The following TPST1 variants were observed in gnomAD, a reference collection of about 807,000 sequenced individuals.
The protein encoded by TPST1 is tyrosylprotein sulfotransferase 1.
Under a neutral mutation model 34.8 loss-of-function variants are expected in TPST1, and 20 were observed. The observed-to-expected ratio is 0.57, with a 90% CI of 0.40 to 0.84. The LOEUF is 0.84. TPST1 is among the 40% of genes least tolerant of loss of function. The probability of loss-of-function intolerance (pLI) is 0.00; values close to 1 mark genes in which losing one functional copy is unlikely to be tolerated. For missense variants in TPST1, 353 were observed against 455.5 expected (o/e 0.78, Z 2.05); for synonymous variants, 152 against 159.4 (o/e 0.95, Z 0.35).
At chr7:66,337,721 T>C (rs553648579) in intron 3 of TPST1, among the ~76,000 whole-genome samples, 24 of 152,326 alleles carry the variant, frequency 1.6e-4, no homozygotes, top group African/African-American at 5.8e-4. Flanking sequence ...AATGGCGGTG[T>C]TAAAGTATAG....
At chr7:66,203,924 C>T (rs1476353128), upstream of TPST1, among the ~76,000 whole-genome samples, 1 of 152,106 alleles carries the variant, frequency 6.6e-6, no homozygotes, top group Admixed American at 6.5e-5. Flanking sequence ...TGCCTGTAAT[C>T]CCAGCACTTT....
intron 3 of TPST1, among the ~76,000 whole-genome samples, chr7:66,298,780 T>G (rs1791252439): frequency 6.6e-6 from 1 of 152,178 alleles, no homozygotes; most frequent in African/African-American, 2.4e-5. Flanking sequence ...TTGTTTTTGC[T>G]TATAGTGGTT....
intron 1 of TPST1, among the ~76,000 whole-genome samples, chr7:66,219,047 ATTTTTTT>A (rs376698635): frequency 5.5e-5 from 6 of 108,906 alleles, no homozygotes; most frequent in East Asian, 2.7e-4. Context: ...CGCCTGGCTA[ATTTTTTT>A]TTTTTTTTTT....
intron 3 of TPST1, among the ~76,000 whole-genome samples, chr7:66,329,477 C>T (rs933270153): frequency 6.6e-6 from 1 of 152,040 alleles, no homozygotes; most frequent in African/African-American, 2.4e-5. Context: ...TATGCTTCCT[C>T]AGCGCATATC....
At chr7:66,334,647 A>AAAGT (rs949197050) in intron 3 of TPST1, among the ~76,000 whole-genome samples, 1 of 151,682 alleles carries the variant, frequency 6.6e-6, no homozygotes, top group African/African-American at 2.4e-5. Flanking sequence ...AAAAAAAAAA[A>AAAGT]AAAAGTATTC....
At chr7:66,265,216 C>A (rs143674654) in intron 2 of TPST1, among the ~76,000 whole-genome samples, 25 of 152,222 alleles carry the variant, frequency 1.6e-4, no homozygotes, top group African/African-American at 5.8e-4. Flanking sequence ...TGACAGGAAT[C>A]TCAGAAGGAG....
chr7:66,234,770 G>C (rs1475304939), intron 1 of TPST1, among the ~76,000 whole-genome samples: 2 of 152,024 alleles, frequency 1.3e-5, no homozygotes, highest in Non-Finnish European at 2.9e-5. Flanking sequence ...TCCACCTCCC[G>C]GGTTCATGCC....
At chr7:66,344,189 A>G (rs893518686) in intron 3 of TPST1, 3 of 152,224 alleles carry the variant, frequency 2.0e-5, no homozygotes, top group Non-Finnish European at 4.4e-5. Flanking sequence ...TGAGACCAAG[A>G]GTTGAGGGCC....
chr7:66,248,010 A>G lies in TPST1; in HGVS notation c.845+6740A>G, dbSNP rs750868350. 9.4e-5 allele frequency among the ~76,000 whole-genome samples: 14 copies of G among 148,296 alleles called. No individual in the cohort carries two copies. The South Asian group carries it at 1.3e-3, about 14-fold the overall frequency. On this transcript the variant is annotated intron_variant, in intron 2 of 5. Coordinates refer to ENST00000304842, the MANE Select transcript of TPST1 (RefSeq NM_003596.4). Reference sequence around the variant, plus strand: ...AGGTGAATATATTTTTGAAAAATATATTTTTGAAAAATAAGTAAAACAAAA... The same window carrying G: ...AGGTGAATATATTTTTGAAAAATATGTTTTTGAAAAATAAGTAAAACAAAA...
At chr7:66,305,786 T>C (rs1475136249) in intron 3 of TPST1, among the ~76,000 whole-genome samples, 1 of 152,254 alleles carries the variant, frequency 6.6e-6, no homozygotes. Context: ...TAATATTTAG[T>C]GAATATAGGG....
At chr7:66,252,417 G>A (rs1407212372) in intron 2 of TPST1, among the ~76,000 whole-genome samples, 11 of 141,896 alleles carry the variant, frequency 7.8e-5, no homozygotes, top group African/African-American at 1.1e-4. Context: ...GTGCAGTGGC[G>A]CGATCTCTGC....
rs1167772637 is a variant in TPST1, at chr7:66,304,138, G to GT, written c.1044+17435dup. On this transcript the variant is annotated intron_variant, in intron 3 of 5. Coordinates refer to ENST00000304842, the MANE Select transcript of TPST1 (RefSeq NM_003596.4). ...GGACTAGAGAAGTGAAGGTCTGCAC[G>GT]TTTTTTATTGTATACTGGACACGTT... 2.6e-5 allele frequency among the ~76,000 whole-genome samples: 4 copies of GT among 152,284 alleles called. No homozygotes were observed. In the East Asian group the frequency reaches 7.7e-4, roughly 29 times the overall value.
chr7:66,339,732 G>A (rs528455299), intron 3 of TPST1, among the ~76,000 whole-genome samples: 9 of 150,278 alleles, frequency 6.0e-5, no homozygotes, highest in African/African-American at 2.0e-4. Context: ...ATACCTATTC[G>A]GTACTATGCT....
chr7:66,215,596 G>C (rs911572894), intron 1 of TPST1, among the ~76,000 whole-genome samples: 1 of 151,440 alleles, frequency 6.6e-6, no homozygotes, highest in Non-Finnish European at 1.5e-5. Context: ...GGATGGTCTC[G>C]ATCTCCTGAC....
rs1790009813 is a variant in TPST1, at chr7:66,240,574, C to G, written c.149C>G (p.Thr50Ser). The change falls in exon 2 of 6, where the codon ACT (threonine) becomes AGT (serine). Residue 50 changes from threonine to serine, a missense_variant. Thr to Ser is a moderately conservative substitution (Grantham distance 58). Transcript: ENST00000304842. Reference sequence around the variant, plus strand: ...GTCAAATTGGAGAGCACAAGGACCACTGTGAGAACTGGCCTGGACCTCAAA... The same window carrying G: ...GTCAAATTGGAGAGCACAAGGACCAGTGTGAGAACTGGCCTGGACCTCAAA... ...QPVKLESTRTTVRTGLDLKAN... is the reference protein window; with the variant it reads ...QPVKLESTRTSVRTGLDLKAN... 2 of 1,614,202 alleles carry G rather than the reference C, an allele frequency of 1.2e-6. No individual in the cohort carries two copies. The highest frequency in any genetic ancestry group is 1.7e-6 in the Non-Finnish European group (2 of 1,180,038).
At chr7:66,240,265 G>T in intron 1 of TPST1, 60 bp from the exon 2 acceptor site, 1 of 847,798 alleles carries the variant, frequency 1.2e-6, no homozygotes, top group Non-Finnish European at 1.8e-6. Context: ...GTGATAACTG[G>T]TGACTGATTT....
At chr7:66,220,248 T>C (rs1332412145) in intron 1 of TPST1, among the ~76,000 whole-genome samples, 2 of 152,202 alleles carry the variant, frequency 1.3e-5, no homozygotes, top group African/African-American at 2.4e-5. Context: ...TATATTGTTA[T>C]ATACTATGGA....
intron 2 of TPST1, among the ~76,000 whole-genome samples, chr7:66,278,222 A>G (rs760766221): frequency 6.6e-6 from 1 of 151,118 alleles, no homozygotes; most frequent in Admixed American, 6.6e-5. Flanking sequence ...ATTTTGAGGT[A>G]TAGTTGATAA....
chr7:66,350,129 T>C (rs930379624), intron 3 of TPST1, among the ~76,000 whole-genome samples: 1 of 152,172 alleles, frequency 6.6e-6, no homozygotes, highest in Non-Finnish European at 1.5e-5. Flanking sequence ...TTCACCTGCC[T>C]CAGCCTCCTG....
Sources: gnomAD v4.1 joint callset for allele counts (sites outside exome capture counted in the v4.1 genomes callset) on GRCh38, gnomAD v4.1.1 for gene constraint, MANE v1.5 for transcripts, NCBI Gene and HGNC (gene_info 2026-07-23, HGNC 2026-07-21) for gene names.